The following SLC11A2 variants were observed in gnomAD, a reference collection of about 807,000 sequenced individuals.
The protein encoded by SLC11A2 is solute carrier family 11 member 2.
In SLC11A2, 38 loss-of-function variants were observed where a neutral mutation model predicts 68.0. The ratio of observed to expected loss-of-function variants is 0.56; its 90% confidence interval spans 0.43 to 0.73. SLC11A2 has a LOEUF of 0.73. Ranked by LOEUF, SLC11A2 falls within the 30% of genes least tolerant of loss-of-function variation. The pLI, the probability that SLC11A2 is intolerant of heterozygous loss-of-function variation, is 0.00. For missense variants in SLC11A2, 517 were observed against 690.5 expected (o/e 0.75, Z 2.82); for synonymous variants, 242 against 250.6 (o/e 0.97, Z 0.32).
chr12:51,007,395 C>T (rs1274402586), intron 3 of SLC11A2, among the ~76,000 whole-genome samples: 4 of 152,084 alleles, frequency 2.6e-5, no homozygotes, highest in African/African-American at 7.2e-5. Flanking sequence ...AGTGCAGTGG[C>T]GCGATCTTGG....
intron 3 of SLC11A2, chr12:51,005,847 TC>T: frequency 2.4e-6 from 1 of 410,900 alleles, no homozygotes; most frequent in Non-Finnish European, 4.4e-6. Context: ...AATTCTAAGC[TC>T]CCCCAACCAA....
At chr12:51,009,948 G>A (rs58823647) in intron 2 of SLC11A2, among the ~76,000 whole-genome samples, 68 of 152,270 alleles carry the variant, frequency 4.5e-4, no homozygotes, top group African/African-American at 1.4e-3. Flanking sequence ...TTGGGAGGCC[G>A]AGACGGGTGG....
the SLC11A2 span, among the ~76,000 whole-genome samples, chr12:50,974,327 C>T: frequency 2.6e-5 from 4 of 152,100 alleles, no homozygotes; most frequent in Non-Finnish European, 4.4e-5. Flanking sequence ...AGAGTGGGGG[C>T]CAATATTCAG....
At chr12:51,005,030 A>C in intron 4 of SLC11A2, 123 bp from the exon 5 acceptor site, 1 of 1,191,626 alleles carries the variant, frequency 8.4e-7, no homozygotes, top group Non-Finnish European at 1.2e-6. Flanking sequence ...CAGGTCAAGA[A>C]TCAAATGACT....
chr12:50,971,698 G>GA, the SLC11A2 span, among the ~76,000 whole-genome samples: 25 of 152,016 alleles, frequency 1.6e-4, no homozygotes, highest in African/African-American at 6.0e-4. Flanking sequence ...GCCTAGGAGA[G>GA]AAAAAAATAG....
Position 50,995,807 on chromosome 12 carries a change from A to G in SLC11A2, c.832-20T>C. On this transcript the variant is annotated intron_variant, in intron 9 of 15. Transcript: ENST00000262052. Reference sequence around the variant, plus strand: ...TCTAGACTAGAAAGATAACAACAGCAGTCACTTTTTGACCAGTTAGAACAA... The same window carrying G: ...TCTAGACTAGAAAGATAACAACAGCGGTCACTTTTTGACCAGTTAGAACAA... 1.2e-6 allele frequency: 2 copies of G among 1,613,224 alleles called. No individual in the cohort carries two copies. Among genetic ancestry groups the G allele is most frequent in the South Asian group, 2.2e-5 (2 of 91,062 alleles).
At chr12:51,004,630 G>A (rs554349337) in intron 5 of SLC11A2, among the ~76,000 whole-genome samples, 158 bp downstream of exon 5, 30 of 152,180 alleles carry the variant, frequency 2.0e-4, no homozygotes, top group Non-Finnish European at 3.5e-4. Flanking sequence ...CCTGGCAGCA[G>A]GAGGAGCTAC....
chr12:50,992,548 T>C (rs11169655), intron 12 of SLC11A2, among the ~76,000 whole-genome samples: 1 of 151,540 alleles, frequency 6.6e-6, no homozygotes, highest in Non-Finnish European at 1.5e-5. Context: ...CTGGCCAACA[T>C]GGTGAAACGC....
intron 11 of SLC11A2, among the ~76,000 whole-genome samples, chr12:50,993,992 C>CAAAAAAAAAAAAAAAAAA (rs71663850): frequency 6.6e-4 from 32 of 48,400 alleles, no homozygotes; most frequent in East Asian, 1.9e-3. Flanking sequence ...ACCTTGTCTC[C>CAAAAAAAAAAAAAAAAAA]AAAAAAAAAA....
At chr12:51,010,625 A>G in intron 2 of SLC11A2, 70 bp downstream of exon 2, 1 of 890,606 alleles carries the variant, frequency 1.1e-6, no homozygotes, top group Admixed American at 1.8e-5. Flanking sequence ...GAAAAATATG[A>G]TAAATTTCTG....
Position 51,004,885 on chromosome 12 carries a change from G to C in SLC11A2, c.332C>G (p.Ala111Gly). The change falls in exon 5 of 16, where the codon GCC (alanine) becomes GGC (glycine). Residue 111 changes from alanine to glycine, a missense_variant. Physicochemically the swap from Ala to Gly is moderately conservative, Grantham distance 60 (BLOSUM62 0). Transcript: ENST00000262052. ...CTGGAGCAGCAGCCCCACAAGGGTG[G>C]CCAACAGAAGGATCCAGAGCAACTA... is the stretch of plus-strand genomic sequence containing the variant. The part of the protein sequence containing the change: ...GFKLLWILLL[A>G]TLVGLLLQRL... The C allele has an allele frequency of 1.2e-6, 2 of 1,614,122 alleles. No individual in the cohort carries two copies. Among genetic ancestry groups the C allele is most frequent in the South Asian group, 2.2e-5 (2 of 91,064 alleles).
In SLC11A2 at chr12:51,010,711, T is replaced by C; in HGVS notation, c.18A>G (p.Glu6=). The C allele has an allele frequency of 3.1e-6, 5 of 1,597,654 alleles. No homozygotes were observed. The highest frequency in any genetic ancestry group is 4.3e-6 in the Non-Finnish European group (5 of 1,164,854). ...GTAAATTACCATCTGACATCTTCTG[T>C]TCAGGACCCAGCACCATGGTGGATA... MVLGP[E]QKMSDDSVSG... Residue 6 remains glutamate (E), a synonymous_variant, in exon 2 of 16, where the codon GAA becomes GAG. Transcript: ENST00000262052.
intron 14 of SLC11A2, among the ~76,000 whole-genome samples, chr12:50,991,165 C>A (rs1941114418): frequency 6.6e-6 from 1 of 151,976 alleles, no homozygotes; most frequent in Admixed American, 6.6e-5. Flanking sequence ...ACAAATAATC[C>A]CTAATATTTA....
chr12:51,018,078 T>G (rs535568934), intron 1 of SLC11A2, among the ~76,000 whole-genome samples: 1 of 152,180 alleles, frequency 6.6e-6, no homozygotes, highest in Non-Finnish European at 1.5e-5. Context: ...GAAGAACAAT[T>G]TGGATAGCCC....
chr12:51,025,616 C>CTT, intron 1 of SLC11A2: 2 of 354,058 alleles, frequency 5.6e-6, no homozygotes, highest in Non-Finnish European at 7.9e-6. Flanking sequence ...TAAGCGGTAG[C>CTT]TTTAAAAGTG....
At chr12:50,981,701 C>T (rs1485601548), downstream of SLC11A2, 1 of 1,472,380 alleles carries the variant, frequency 6.8e-7, no homozygotes, top group Non-Finnish European at 9.2e-7. Context: ...AAAACATGTT[C>T]TTATAGAGTC....
rs1940521356 is a variant in SLC11A2, at chr12:50,986,126, T to C, written c.*2199A>G. The C allele has an allele frequency of 7.8e-7, 1 of 1,286,480 alleles. No individual in the cohort carries two copies. Among genetic ancestry groups the C allele is most frequent in the Non-Finnish European group, 1.0e-6 (1 of 988,048 alleles). 79.7% of individuals were successfully genotyped at this position (1,286,480 alleles called of 1,614,324 possible). On this transcript the variant is annotated 3_prime_UTR_variant, in exon 16 of 16. Coordinates refer to ENST00000262052, the MANE Select transcript of SLC11A2 (RefSeq NM_000617.3). ...AGCCAAGAGCTCTTCCCTTTTCCCC[T>C]GTTAATTTCCAGTATAATGTAGCAG...
At chr12:50,990,123 T>C (rs890056157) in intron 15 of SLC11A2, among the ~76,000 whole-genome samples, 5 of 152,244 alleles carry the variant, frequency 3.3e-5, no homozygotes, top group African/African-American at 1.2e-4. Context: ...ATATAAATTT[T>C]ACATACCTTT....
the SLC11A2 span, among the ~76,000 whole-genome samples, chr12:50,960,436 A>C: frequency 6.6e-6 from 1 of 152,228 alleles, no homozygotes; most frequent in Non-Finnish European, 1.5e-5. Flanking sequence ...GAAATTACAA[A>C]TGACTAGACA....
Sources: gnomAD v4.1 joint callset for allele counts (sites outside exome capture counted in the v4.1 genomes callset) on GRCh38, gnomAD v4.1.1 for gene constraint, MANE v1.5 for transcripts, NCBI Gene and HGNC (gene_info 2026-07-23, HGNC 2026-07-21) for gene names.